ALPK2: variants seen among roughly 807,000 people sequenced by gnomAD.
ALPK2 encodes alpha kinase 2.
A neutral mutation model predicts 163.1 loss-of-function variants in ALPK2; 127 were observed. The ratio of observed to expected loss-of-function variants is 0.78; its 90% CI spans 0.67 to 0.90. The LOEUF is 0.90. Among genes scored for constraint, ALPK2 ranks in the 40% least tolerant of loss-of-function variants. ALPK2 has a pLI of 0.00. For synonymous variants in ALPK2, 953 were observed against 959.1 expected (o/e 0.99, Z 0.12); for missense variants, 2,360 against 2,589.6 (o/e 0.91, Z 1.92).
intron 5 of ALPK2, 89 bp from the exon 6 acceptor site, chr18:58,529,327 A>G: frequency 7.6e-7 from 1 of 1,313,260 alleles, no homozygotes; most frequent in Non-Finnish European, 1.0e-6. Context: ...AGAGACAGGA[A>G]TATTAATTAT....
chr18:58,529,929 A>ACTGGG (rs1366568577), intron 5 of ALPK2, among the ~76,000 whole-genome samples: 3 of 152,250 alleles, frequency 2.0e-5, no homozygotes, highest in Admixed American at 1.3e-4. Context: ...TAGGGCAGCC[A>ACTGGG]CTGGGCGGCA....
At position 58,579,104 on chromosome 18, in the gene ALPK2, T is replaced by C. The variant is rs549862912; in HGVS notation, c.1672A>G (p.Thr558Ala). 6.2e-7 allele frequency: 1 copy of C among 1,614,234 alleles called. No individual in the cohort carries two copies. The highest frequency in any genetic ancestry group is 1.7e-5 in the Admixed American group (1 of 60,028). Residue 558 changes from threonine to alanine, a missense_variant, in exon 4 of 13, where the codon ACA (threonine) becomes GCA (alanine). Coordinates refer to ENST00000361673, the MANE Select transcript of ALPK2 (RefSeq NM_052947.4). ...KPNANLRESTTEGTLHLCSAK... is the reference protein window; with the variant it reads ...KPNANLRESTAEGTLHLCSAK... Reference sequence around the variant, plus strand: ...GAGCAGAGATGAAGGGTACCTTCTGTTGTACTTTCTCTCAGGTTGGCATTC... The same window carrying C: ...GAGCAGAGATGAAGGGTACCTTCTGCTGTACTTTCTCTCAGGTTGGCATTC...
intron 4 of ALPK2, among the ~76,000 whole-genome samples, chr18:58,576,549 T>A (rs1232809285): frequency 1.3e-5 from 2 of 152,240 alleles, no homozygotes; most frequent in African/African-American, 4.8e-5. Context: ...AACAGTATTA[T>A]TTTTAAAAGT....
chr18:58,579,584 C>A lies in ALPK2; in HGVS notation c.1192G>T (p.Ala398Ser). The A allele has an allele frequency of 6.2e-7, 1 of 1,613,670 alleles. No homozygotes were observed. Among genetic ancestry groups the A allele is most frequent in the Middle Eastern group, 1.6e-4 (1 of 6,062 alleles). Residue 398 changes from alanine (A) to serine (S), a missense_variant, in exon 4 of 13, where the codon GCT (alanine) becomes TCT (serine). Physicochemically the swap from Ala to Ser is moderately conservative, Grantham distance 99 (BLOSUM62 1). Transcript: ENST00000361673. ...TGTGAGTGATGACCACAGAAGCCAG[C>A]AGTGGCAACCATAGGCCCAGCGTCA... Reference protein sequence around the residue: ...SGDAGPMVATAGFCGHHSQPQ... With the variant: ...SGDAGPMVATSGFCGHHSQPQ...
chr18:58,522,119 C>T (rs2051557881), intron 8 of ALPK2, among the ~76,000 whole-genome samples: 1 of 152,128 alleles, frequency 6.6e-6, no homozygotes, highest in African/African-American at 2.4e-5. Flanking sequence ...CCAATTTCTC[C>T]TAAAACTGAC....
chr18:58,564,850 T>A lies in ALPK2; in HGVS notation c.1962+13964A>T, dbSNP rs9947790. ...TCTTCCTTTTTTAAAAAAAATTTTT[T>A]TAAAAGTTTTCAATATTATCAGTAA... On this transcript the variant is annotated intron_variant, in intron 4 of 12. Coordinates refer to ENST00000361673, the MANE Select transcript of ALPK2 (RefSeq NM_052947.4). 5.2e-3 allele frequency among the ~76,000 whole-genome samples: 794 copies of A among 152,296 alleles called. 6 individuals carry two copies. The highest frequency in any genetic ancestry group is 0.017 in the African/African-American group (713 of 41,552).
chr18:58,490,993 A>C (rs1176295538), intron 12 of ALPK2, among the ~76,000 whole-genome samples: 3 of 152,230 alleles, frequency 2.0e-5, no homozygotes, highest in African/African-American at 4.8e-5. Context: ...AGAACCGAGG[A>C]GGGGGCGTTG....
intron 10 of ALPK2, among the ~76,000 whole-genome samples, chr18:58,505,182 C>T (rs7240506): frequency 0.95 from 144,570 of 152,184 alleles, 69,085 homozygotes; most frequent in East Asian, 1. Context: ...GCAGGGAGAC[C>T]GGGGCCAGGT....
chr18:58,514,149 G>C (rs2051508931), intron 10 of ALPK2, among the ~76,000 whole-genome samples: 1 of 152,190 alleles, frequency 6.6e-6, no homozygotes, highest in Non-Finnish European at 1.5e-5. Flanking sequence ...TTGTAAGTGG[G>C]TACTGAAGTG....
rs149104965 is a variant in ALPK2 at position 58,512,585 on chromosome 18, C to T, written c.6029+2408G>A. On this transcript the variant is annotated intron_variant, in intron 10 of 12. Coordinates refer to ENST00000361673, the MANE Select transcript of ALPK2 (RefSeq NM_052947.4). ...TAATATACAGGGTCAGCTCTGTGTGCGTGTGTTGTGTGTATGTGTTGTGTG... is the reference window on the plus strand; with the variant it reads ...TAATATACAGGGTCAGCTCTGTGTGTGTGTGTTGTGTGTATGTGTTGTGTG... Among the ~76,000 whole-genome samples the T allele has an allele frequency of 7.3e-5, 11 of 151,428 alleles. No homozygotes were observed. In the East Asian group the frequency reaches 1.6e-3, roughly 21 times the overall value.
intron 1 of ALPK2, among the ~76,000 whole-genome samples, chr18:58,620,216 G>A (rs941918236): frequency 3.9e-5 from 6 of 152,132 alleles, no homozygotes; most frequent in African/African-American, 1.2e-4. Context: ...TCTTGAACCC[G>A]GGAGGTGGAG....
chr18:58,485,995 A>G (rs1400351234), intron 12 of ALPK2, among the ~76,000 whole-genome samples: 1 of 152,188 alleles, frequency 6.6e-6, no homozygotes. Flanking sequence ...TCCCAGAAAG[A>G]TCACCACTTC....
At chr18:58,484,527 C>T (rs1006558359) in intron 12 of ALPK2, among the ~76,000 whole-genome samples, 7 of 152,106 alleles carry the variant, frequency 4.6e-5, no homozygotes, top group African/African-American at 9.7e-5. Flanking sequence ...AGGTGGATCA[C>T]GAGGTCAAGA....
intron 4 of ALPK2, chr18:58,544,624 A>C (rs1568081074): frequency 6.6e-6 from 1 of 152,264 alleles, no homozygotes; most frequent in Non-Finnish European, 1.5e-5. Flanking sequence ...TCCAGGACAG[A>C]GTGTGGAAGG....
In ALPK2 at chr18:58,607,443, A is replaced by T. The variant is rs767263560; in HGVS notation, c.110-4T>A. On this transcript the variant is annotated splice_region_variant and splice_polypyrimidine_tract_variant and intron_variant, in intron 2 of 12. Transcript: ENST00000361673. ...GTTACCTCTGGCTTGGGCTGACCTG[A>T]CAATAAAGAAAGAAAAGTATCCTTA... The T allele has an allele frequency of 4.4e-6, 7 of 1,578,784 alleles. No homozygotes were observed. Among genetic ancestry groups the T allele is most frequent in the Non-Finnish European group, 6.0e-6 (7 of 1,162,420 alleles).
In ALPK2 at chr18:58,536,980, T is replaced by C; in HGVS notation, c.3207A>G (p.Thr1069=). The C allele has an allele frequency of 6.2e-7, 1 of 1,614,174 alleles. No homozygotes were observed. The highest frequency in any genetic ancestry group is 8.5e-7 in the Non-Finnish European group (1 of 1,180,020). The change falls in exon 5 of 13, where the codon ACA becomes ACG. Residue 1069 remains threonine, a synonymous_variant. Transcript: ENST00000361673. ...HILSGATIKS[T]KELLCRAPSV... ...TGGGTGCCCTGCAAAGTAGCTCTTT[T>C]GTAGATTTGATGGTAGCACCACTTA...
At chr18:58,613,567 C>T (rs1235595307) in intron 1 of ALPK2, among the ~76,000 whole-genome samples, 1 of 151,894 alleles carries the variant, frequency 6.6e-6, no homozygotes, top group Non-Finnish European at 1.5e-5. Context: ...GTGACTCGTT[C>T]CTGTAATCCC....
intron 11 of ALPK2, among the ~76,000 whole-genome samples, chr18:58,500,190 CAT>C (rs1210746071): frequency 1.4e-5 from 2 of 148,062 alleles, no homozygotes; most frequent in East Asian, 2.0e-4. Context: ...ATAACTCAAA[CAT>C]ATGTAGAAAT....
intron 11 of ALPK2, among the ~76,000 whole-genome samples, chr18:58,501,160 C>T (rs1602188192): frequency 6.6e-6 from 1 of 152,210 alleles, no homozygotes; most frequent in South Asian, 2.1e-4. Flanking sequence ...TAATGCCACA[C>T]CACCACGTTA....
Sources: gnomAD v4.1 joint callset for allele counts (sites outside exome capture counted in the v4.1 genomes callset) on GRCh38, gnomAD v4.1.1 for gene constraint, MANE v1.5 for transcripts, NCBI Gene and HGNC (gene_info 2026-07-23, HGNC 2026-07-21) for gene names.